RAB11FIP4: variants seen among roughly 807,000 people sequenced by gnomAD.
RAB11FIP4 encodes RAB11 family interacting protein 4, also known as rab11 family-interacting protein 4.
RAB11FIP4 carries 23 observed loss-of-function variants against 74.3 expected under a neutral mutation model. The ratio of observed to expected loss-of-function variants is 0.31; its 90% CI spans 0.22 to 0.44. The LOEUF (loss-of-function observed/expected upper bound fraction) is 0.44, where lower values mean the gene tolerates loss of function less well. Ranked by LOEUF, RAB11FIP4 falls within the 20% of genes least tolerant of loss-of-function variation. RAB11FIP4 has a pLI of 1.00. For missense variants in RAB11FIP4, 630 were observed against 863.9 expected (o/e 0.73, Z 3.39); for synonymous variants, 360 against 359.9 (o/e 1.00, Z 0.00).
At chr17:31,434,493 G>A (rs181925460) in intron 3 of RAB11FIP4, among the ~76,000 whole-genome samples, 13 of 152,218 alleles carry the variant, frequency 8.5e-5, no homozygotes, top group South Asian at 2.1e-4. Flanking sequence ...AAACAACAAC[G>A]AATTCTCCAA....
intron 1 of RAB11FIP4, among the ~76,000 whole-genome samples, chr17:31,408,923 ATCAGGC>A (rs2071067051): frequency 6.6e-6 from 1 of 152,242 alleles, no homozygotes. Context: ...GCAAGAGGCC[ATCAGGC>A]CTCCTGCTAT....
At chr17:31,505,633 A>AATACATAATTATTATTATAT (rs2072329068) in intron 3 of RAB11FIP4, among the ~76,000 whole-genome samples, 1 of 70,806 alleles carries the variant, frequency 1.4e-5, no homozygotes, top group African/African-American at 4.7e-5. Flanking sequence ...ATAATTATAT[A>AATACATAATTATTATTATAT]ATAATAATTA....
At chr17:31,395,904 G>A (rs143464541) in intron 1 of RAB11FIP4, among the ~76,000 whole-genome samples, 3 of 152,150 alleles carry the variant, frequency 2.0e-5, no homozygotes, top group Non-Finnish European at 1.5e-5. Context: ...ACAATGGGCC[G>A]GGCGTGGTGG....
intron 3 of RAB11FIP4, among the ~76,000 whole-genome samples, chr17:31,507,411 A>C (rs1196604874): frequency 6.6e-6 from 1 of 152,034 alleles, no homozygotes; most frequent in Non-Finnish European, 1.5e-5. Flanking sequence ...GTGGTATCTC[A>C]TTGTGGTTTT....
At position 31,459,290 on chromosome 17, in the gene RAB11FIP4, T is replaced by C. The variant is rs2071611932; in HGVS notation, c.336+25168T>C. On this transcript the variant is annotated intron_variant, in intron 3 of 14. Transcript: ENST00000621161. ...CTTCCTCTGAGATGGATGAGCCATG[T>C]GGTCTTGGGCAAAGCACTTAACCTC... 2.6e-5 allele frequency among the ~76,000 whole-genome samples: 4 copies of C among 152,112 alleles called. No homozygotes were observed. The South Asian group carries it at 8.3e-4, about 32-fold the overall frequency.
chr17:31,446,621 G>A (rs2071466773), intron 3 of RAB11FIP4, among the ~76,000 whole-genome samples: 1 of 151,938 alleles, frequency 6.6e-6, no homozygotes, highest in South Asian at 2.1e-4. Flanking sequence ...CCTGAGAGGG[G>A]CAATCTCAAG....
At chr17:31,478,946 T>C (rs1429788123) in intron 3 of RAB11FIP4, among the ~76,000 whole-genome samples, 2 of 152,210 alleles carry the variant, frequency 1.3e-5, no homozygotes, top group Non-Finnish European at 2.9e-5. Flanking sequence ...TACCAATTAG[T>C]TTCTGCTGCT....
chr17:31,443,514 GTTTGCCTT>G (rs2071424255), intron 3 of RAB11FIP4, among the ~76,000 whole-genome samples: 1 of 152,228 alleles, frequency 6.6e-6, no homozygotes, highest in Non-Finnish European at 1.5e-5. Flanking sequence ...TAGGGATCCA[GTTTGCCTT>G]TTTCCTGTCA....
chr17:31,523,866 C>T (rs1317065063), intron 8 of RAB11FIP4, 27 bp from the exon 9 acceptor site: 2 of 1,556,522 alleles, frequency 1.3e-6, no homozygotes, highest in East Asian at 2.3e-5. Context: ...GAGGTCTTCT[C>T]CACCCCACCC....
intron 3 of RAB11FIP4, among the ~76,000 whole-genome samples, chr17:31,437,012 G>A (rs1018139876): frequency 2.6e-5 from 4 of 151,740 alleles, no homozygotes; most frequent in African/African-American, 9.7e-5. Context: ...GGATGGTCTC[G>A]ATCTCCTGAC....
intron 3 of RAB11FIP4, among the ~76,000 whole-genome samples, chr17:31,482,984 G>A (rs889872207): frequency 3.9e-5 from 6 of 151,956 alleles, no homozygotes; most frequent in Non-Finnish European, 8.8e-5. Flanking sequence ...CACGGGATCA[G>A]GAGTTCGAGG....
At chr17:31,499,089 T>C (rs1158747228) in intron 3 of RAB11FIP4, among the ~76,000 whole-genome samples, 1 of 152,224 alleles carries the variant, frequency 6.6e-6, no homozygotes, top group African/African-American at 2.4e-5. Flanking sequence ...GTTGAGTTGC[T>C]GGGACCTCTG....
At position 31,536,776 on chromosome 17, in the gene RAB11FIP4, G is replaced by T. The variant is rs2072971587; in HGVS notation, c.*5044G>T. The T allele has an allele frequency of 2.6e-6, 1 of 387,850 alleles. No homozygotes were observed. Among genetic ancestry groups the T allele is most frequent in the African/African-American group, 2.1e-5 (1 of 48,460 alleles). The allele number at this position is 387,850 out of a possible 1,614,324, so 24.0% of individuals were successfully genotyped here. A position where few individuals can be genotyped will look rare whatever the true frequency, so the allele number is the denominator to read the frequency against. ...GGAGCCTGCCCTACCTGCATGGCAG[G>T]ACAACTCTGAGGCCCTTCTGCCATA... On this transcript the variant is annotated 3_prime_UTR_variant, in exon 15 of 15. Coordinates refer to ENST00000621161, the MANE Select transcript of RAB11FIP4 (RefSeq NM_032932.6).
At chr17:31,488,845 G>T (rs1185873693) in intron 3 of RAB11FIP4, among the ~76,000 whole-genome samples, 2 of 150,832 alleles carry the variant, frequency 1.3e-5, no homozygotes, top group African/African-American at 2.5e-5. Flanking sequence ...GCCCGGTGGT[G>T]GGAGCTGTTG....
intron 2 of RAB11FIP4, among the ~76,000 whole-genome samples, chr17:31,432,496 C>CT (rs1238291995): frequency 1.3e-5 from 2 of 151,932 alleles, no homozygotes; most frequent in Non-Finnish European, 2.9e-5. Context: ...GTAGCTGAGA[C>CT]TACAGGAGGT....
At chr17:31,472,614 C>T (rs1363070813) in intron 3 of RAB11FIP4, among the ~76,000 whole-genome samples, 1 of 152,174 alleles carries the variant, frequency 6.6e-6, no homozygotes, top group East Asian at 1.9e-4. Context: ...CAGTAGCGCC[C>T]ATGCTGATAG....
intron 4 of RAB11FIP4, among the ~76,000 whole-genome samples, chr17:31,518,957 C>T (rs1358082147): frequency 5.3e-5 from 8 of 151,182 alleles, no homozygotes; most frequent in East Asian, 1.9e-4. Flanking sequence ...CTCAGCCTCC[C>T]GAGTAGCTGG....
At chr17:31,410,704 G>A (rs986569123) in intron 1 of RAB11FIP4, among the ~76,000 whole-genome samples, 1 of 152,194 alleles carries the variant, frequency 6.6e-6, no homozygotes, top group Admixed American at 6.5e-5. Flanking sequence ...TGATGGCACA[G>A]CCCTTCTGTT....
At chr17:31,501,413 CACTT>C (rs2072218655) in intron 3 of RAB11FIP4, among the ~76,000 whole-genome samples, 1 of 152,142 alleles carries the variant, frequency 6.6e-6, no homozygotes, top group South Asian at 2.1e-4. Context: ...TGTGCCCAAA[CACTT>C]ACTTTAGCCT....
Sources: allele counts gnomAD v4.1 joint callset (sites outside exome capture counted in the v4.1 genomes callset), GRCh38; gene constraint gnomAD v4.1.1; transcripts MANE v1.5; gene names NCBI Gene and HGNC (gene_info 2026-07-23, HGNC 2026-07-21).